Variants in ENTPD7 observed in about 807,000 individuals in gnomAD.
ENTPD7 encodes the protein NTPDase 7.
A neutral mutation model predicts 77.9 loss-of-function variants in ENTPD7; 53 were observed. That is an observed-to-expected ratio of 0.68 (90% CI 0.55 to 0.85). The LOEUF is 0.85. Among genes scored for constraint, ENTPD7 ranks in the 40% least tolerant of loss-of-function variants. The probability of loss-of-function intolerance (pLI) is 0.00; values close to 1 mark genes in which losing one functional copy is unlikely to be tolerated. For missense variants in ENTPD7, 636 were observed against 743.7 expected, an observed-to-expected ratio of 0.86 and a Z score of 1.68; for synonymous variants, 248 against 274.9, an observed-to-expected ratio of 0.90 and a Z score of 0.97.
rs2036262810 is a variant in ENTPD7, at chr10:99,706,800, A to C, written c.*2117A>C. Among the ~76,000 whole-genome samples the C allele has an allele frequency of 6.6e-6, 1 of 152,188 alleles. No homozygotes were observed. The highest frequency in any genetic ancestry group is 2.4e-5 in the African/African-American group (1 of 41,436). The stretch of plus-strand genomic sequence containing the variant: ...CAAAATATGTTTTAGCTGCCTACTC[A>C]GGTAACGTTTTCTTTTGCTCTCATC... On this transcript the variant is annotated 3_prime_UTR_variant, in exon 13 of 13. Coordinates refer to ENST00000370489, the MANE Select transcript of ENTPD7 (RefSeq NM_020354.5).
chr10:99,682,286 A>G (rs1413222413), intron 5 of ENTPD7, among the ~76,000 whole-genome samples: 1 of 152,000 alleles, frequency 6.6e-6, no homozygotes, highest in African/African-American at 2.4e-5. Context: ...TCAGCCATAC[A>G]TGTAGGGCTC....
intron 8 of ENTPD7, among the ~76,000 whole-genome samples, chr10:99,695,093 A>T (rs1421948167): frequency 6.6e-6 from 1 of 152,222 alleles, no homozygotes; most frequent in Non-Finnish European, 1.5e-5. Flanking sequence ...TGAGCTGAGG[A>T]ATATGATTAA....
rs771741634 is a variant in ENTPD7 at position 99,707,027 on chromosome 10, G to T, written c.*2344G>T. ...AATAGCCATTATTTGTTATGCCTTT[G>T]TTATGTAGCAGACACTCTTAAGGAT... is the stretch of plus-strand genomic sequence containing the variant. On this transcript the variant is annotated 3_prime_UTR_variant, in exon 13 of 13. Coordinates refer to ENST00000370489, the MANE Select transcript of ENTPD7 (RefSeq NM_020354.5). Among the ~76,000 whole-genome samples, 5 of 152,060 alleles carry T rather than the reference G, an allele frequency of 3.3e-5. No individual in the cohort carries two copies. Among genetic ancestry groups the T allele is most frequent in the Non-Finnish European group, 5.9e-5 (4 of 68,000 alleles).
chr10:99,678,540 TTA>T (rs1360732300), intron 3 of ENTPD7, among the ~76,000 whole-genome samples: 2 of 151,820 alleles, frequency 1.3e-5, no homozygotes, highest in Non-Finnish European at 2.9e-5. Context: ...ATTATTGTTT[TTA>T]TGAATTACAT....
chr10:99,669,740 G>GGTTTTTT (rs1554835535), intron 3 of ENTPD7, among the ~76,000 whole-genome samples: 3 of 59,256 alleles, frequency 5.1e-5, no homozygotes, highest in African/African-American at 2.0e-4. Context: ...TAGATGTGTG[G>GGTTTTTT]TTTTTTTTTT....
At chr10:99,699,865 C>T (rs755320200) in intron 10 of ENTPD7, among the ~76,000 whole-genome samples, 1 of 152,018 alleles carries the variant, frequency 6.6e-6, no homozygotes, top group Middle Eastern at 3.2e-3. Flanking sequence ...CGTACCCAGC[C>T]TCTCCTCATA....
Position 99,710,429 on chromosome 10 carries a change from G to T in ENTPD7, c.*5746G>T. 1 of 980,444 alleles carries T rather than the reference G, an allele frequency of 1.0e-6. No homozygotes were observed. The highest frequency in any genetic ancestry group is 1.2e-6 in the Non-Finnish European group (1 of 828,048). 60.7% of individuals were successfully genotyped at this position (980,444 alleles called of 1,614,324 possible). A position where few individuals can be genotyped will look rare whatever the true frequency, so the allele number is the denominator to read the frequency against. On this transcript the variant is annotated 3_prime_UTR_variant, in exon 13 of 13. Coordinates refer to ENST00000370489, the MANE Select transcript of ENTPD7 (RefSeq NM_020354.5). ...ATGGCCTCTGCGGAGTGTAGTGAAA[G>T]ACATCTTTTTATTATGATCTACACT... is the stretch of plus-strand genomic sequence containing the variant.
intron 6 of ENTPD7, 128 bp from the exon 7 acceptor site, chr10:99,688,566 G>A (rs1393912914): frequency 1.3e-6 from 1 of 747,492 alleles, no homozygotes; most frequent in Middle Eastern, 2.5e-4. Context: ...TTCCTACATT[G>A]AGAGTATGGA....
At chr10:99,694,646 C>T (rs1421260825) in intron 8 of ENTPD7, among the ~76,000 whole-genome samples, 1 of 151,164 alleles carries the variant, frequency 6.6e-6, no homozygotes, top group East Asian at 1.9e-4. Context: ...AAGCGATTCT[C>T]CTGCCTCAGC....
chr10:99,702,697 G>T (rs775463773), intron 12 of ENTPD7, 24 bp downstream of exon 12: 2 of 1,584,472 alleles, frequency 1.3e-6, no homozygotes, highest in South Asian at 2.3e-5. Context: ...GACCAATCTG[G>T]TATCTTGAGC....
chr10:99,693,291 T>C (rs1406949872), intron 8 of ENTPD7, among the ~76,000 whole-genome samples: 2 of 152,198 alleles, frequency 1.3e-5, no homozygotes, highest in African/African-American at 4.8e-5. Flanking sequence ...CAATTTTGGA[T>C]ATATTGAGTT....
chr10:99,685,834 A>T lies in ENTPD7; in HGVS notation c.591A>T (p.Pro197=). 1 of 1,613,412 alleles carries T rather than the reference A, an allele frequency of 6.2e-7. No homozygotes were observed. Among genetic ancestry groups the T allele is most frequent in the South Asian group, 1.1e-5 (1 of 91,060 alleles). The change falls in exon 6 of 13, where the codon CCA becomes CCT. Residue 197 remains proline, a synonymous_variant. Coordinates refer to ENST00000370489, the MANE Select transcript of ENTPD7 (RefSeq NM_020354.5). ...TGGCTGACCTAGTGAAAGATTTACC[A>T]CTGGAGTTTGACTTCCTCTTTTCAC... The part of the protein sequence containing the change: ...AILADLVKDL[P]LEFDFLFSQS...
At chr10:99,691,175 T>A (rs979319898) in intron 7 of ENTPD7, among the ~76,000 whole-genome samples, 1 of 151,970 alleles carries the variant, frequency 6.6e-6, no homozygotes, top group African/African-American at 2.4e-5. Flanking sequence ...TTTTTTTTTT[T>A]ATGAGAGTGT....
intron 3 of ENTPD7, among the ~76,000 whole-genome samples, chr10:99,670,367 A>T (rs1316028367): frequency 1.3e-5 from 2 of 152,202 alleles, no homozygotes; most frequent in Non-Finnish European, 2.9e-5. Flanking sequence ...CATTTCACAG[A>T]GTTCTGTTGA....
At chr10:99,699,354 G>A (rs2036058284) in intron 10 of ENTPD7, among the ~76,000 whole-genome samples, 1 of 152,146 alleles carries the variant, frequency 6.6e-6, no homozygotes, top group African/African-American at 2.4e-5. Flanking sequence ...CAATGATGGT[G>A]GAAGTTTGTT....
chr10:99,665,364 AG>A (rs2035536396), intron 3 of ENTPD7, among the ~76,000 whole-genome samples: 1 of 152,208 alleles, frequency 6.6e-6, no homozygotes, highest in South Asian at 2.1e-4. Flanking sequence ...CTCTCTTCTA[AG>A]AATGGAGAAG....
chr10:99,673,529 G>C (rs1226712488), intron 3 of ENTPD7, among the ~76,000 whole-genome samples: 2 of 152,166 alleles, frequency 1.3e-5, no homozygotes, highest in African/African-American at 4.8e-5. Context: ...TATGCACAAT[G>C]AGAAAAATGG....
At chr10:99,660,699 C>T (rs2035472473) in intron 2 of ENTPD7, among the ~76,000 whole-genome samples, 1 of 152,126 alleles carries the variant, frequency 6.6e-6, no homozygotes, top group South Asian at 2.1e-4. Flanking sequence ...CCAAGGCAGG[C>T]AGATCACCTG....
In ENTPD7 at chr10:99,676,121, C is replaced by T. The variant is rs774541129; in HGVS notation, c.192-3140C>T. ...AACAGATTGAATACGGAAGTAAATG[C>T]GAGAATCTAGGGTCTTCTGTTAGTT... On this transcript the variant is annotated intron_variant, in intron 3 of 12. Coordinates refer to ENST00000370489, the MANE Select transcript of ENTPD7 (RefSeq NM_020354.5). Among the ~76,000 whole-genome samples the T allele has an allele frequency of 6.6e-5, 10 of 151,908 alleles. No individual in the cohort carries two copies. In the South Asian group the frequency reaches 1.9e-3, roughly 28 times the overall value.
Sources: gnomAD v4.1 joint callset for allele counts (sites outside exome capture counted in the v4.1 genomes callset) on GRCh38, gnomAD v4.1.1 for gene constraint, MANE v1.5 for transcripts, NCBI Gene and HGNC (gene_info 2026-07-23, HGNC 2026-07-21) for gene names.